The following ADGRL3 variants were observed in gnomAD, a reference collection of about 807,000 sequenced individuals.
ADGRL3 encodes the protein calcium-independent alpha-latrotoxin receptor 3.
Under a neutral mutation model 153.5 loss-of-function variants are expected in ADGRL3, and 62 were observed. That is an observed-to-expected ratio of 0.40 (90% CI 0.33 to 0.50). The LOEUF is 0.50. Ranked by LOEUF, ADGRL3 falls within the 20% of genes least tolerant of loss-of-function variation. The pLI, the probability that ADGRL3 is intolerant of heterozygous loss-of-function variation, is 0.47. For synonymous variants in ADGRL3, 710 were observed against 672.5 expected, an observed-to-expected ratio of 1.06 and a Z score of -0.86; for missense variants, 1,641 against 1,859.4, an observed-to-expected ratio of 0.88 and a Z score of 2.16.
chr4:61,531,125 G>A (rs531680296), intron 4 of ADGRL3, among the ~76,000 whole-genome samples: 1 of 152,170 alleles, frequency 6.6e-6, no homozygotes, highest in African/African-American at 2.4e-5. Flanking sequence ...AAAATATTGT[G>A]ATGATTATAT....
intron 1 of ADGRL3, among the ~76,000 whole-genome samples, chr4:61,323,066 C>T (rs774771303): frequency 6.6e-5 from 10 of 152,320 alleles, no homozygotes; most frequent in Admixed American, 2.6e-4. Context: ...GATTGCTGTA[C>T]AGTCATAGGC....
chr4:61,907,033 A>G (rs1581403347), intron 11 of ADGRL3, among the ~76,000 whole-genome samples: 1 of 152,086 alleles, frequency 6.6e-6, no homozygotes, highest in African/African-American at 2.4e-5. Context: ...TTTGTACATA[A>G]TGATACTGTT....
chr4:61,759,587 G>T (rs908190062), intron 8 of ADGRL3, among the ~76,000 whole-genome samples: 1 of 151,944 alleles, frequency 6.6e-6, no homozygotes, highest in Non-Finnish European at 1.5e-5. Context: ...TTTTTTTCAA[G>T]GTTTTTAATT....
chr4:62,048,881 A>G (rs1435132778), intron 25 of ADGRL3, among the ~76,000 whole-genome samples: 2 of 152,050 alleles, frequency 1.3e-5, no homozygotes, highest in African/African-American at 4.8e-5. Context: ...CAATACCTCT[A>G]AAACTTCAGT....
At chr4:61,742,775 T>C (rs1357653121) in intron 8 of ADGRL3, among the ~76,000 whole-genome samples, 3 of 152,166 alleles carry the variant, frequency 2.0e-5, no homozygotes, top group Non-Finnish European at 2.9e-5. Context: ...CTATACTATA[T>C]AATTTTACAA....
chr4:61,410,752 C>T (rs1432095652), intron 2 of ADGRL3, among the ~76,000 whole-genome samples: 6 of 152,150 alleles, frequency 3.9e-5, no homozygotes, highest in African/African-American at 2.4e-5. Flanking sequence ...AATACACTAT[C>T]GTGCAGGCTG....
At chr4:61,996,495 T>A (rs2099122136) in intron 20 of ADGRL3, 138 bp downstream of exon 20, 3 of 628,226 alleles carry the variant, frequency 4.8e-6, no homozygotes, top group Non-Finnish European at 8.5e-6. Context: ...ATTCAAGCAA[T>A]TAAACACTCA....
chr4:61,828,771 G>A (rs767173930), intron 9 of ADGRL3, among the ~76,000 whole-genome samples: 1 of 152,102 alleles, frequency 6.6e-6, no homozygotes, highest in Non-Finnish European at 1.5e-5. Flanking sequence ...CTGGAGCCTG[G>A]CCCATTTACG....
intron 1 of ADGRL3, among the ~76,000 whole-genome samples, chr4:61,371,876 T>G (rs368822711): frequency 6.6e-6 from 1 of 152,158 alleles, no homozygotes; most frequent in Non-Finnish European, 1.5e-5. Flanking sequence ...ACCAAGCAGA[T>G]GTAGATTTGG....
At chr4:61,452,132 C>A (rs1403575484) in intron 2 of ADGRL3, among the ~76,000 whole-genome samples, 1 of 152,146 alleles carries the variant, frequency 6.6e-6, no homozygotes, top group African/African-American at 2.4e-5. Flanking sequence ...GTCCCTCAAT[C>A]AAGGATGTGA....
chr4:61,560,890 T>C (rs1370017644), intron 4 of ADGRL3, among the ~76,000 whole-genome samples: 1 of 152,150 alleles, frequency 6.6e-6, no homozygotes, highest in Non-Finnish European at 1.5e-5. Flanking sequence ...CTCTGATTTG[T>C]TTAAGGTTGT....
At chr4:61,354,111 T>C (rs2096113832) in intron 1 of ADGRL3, among the ~76,000 whole-genome samples, 2 of 152,204 alleles carry the variant, frequency 1.3e-5, no homozygotes, top group Admixed American at 1.3e-4. Flanking sequence ...AGTGATCGAC[T>C]TGTATAAACT....
At chr4:61,811,222 G>A (rs761027723) in intron 8 of ADGRL3, among the ~76,000 whole-genome samples, 3 of 152,122 alleles carry the variant, frequency 2.0e-5, no homozygotes, top group Non-Finnish European at 4.4e-5. Context: ...AAGTGGAAAT[G>A]ATTCTAAATG....
chr4:61,625,006 G>T (rs2092748897), intron 5 of ADGRL3, among the ~76,000 whole-genome samples: 1 of 152,074 alleles, frequency 6.6e-6, no homozygotes, highest in East Asian at 1.9e-4. Flanking sequence ...ATTAAAAAAT[G>T]CAAATTATTT....
rs1231512178 is a variant in ADGRL3, at chr4:61,804,959, A to AT, written c.1400-8847dup. 3.1e-3 allele frequency among the ~76,000 whole-genome samples: 446 copies of AT among 145,748 alleles called. 8 individuals are homozygous for AT. Among genetic ancestry groups the AT allele is most frequent in the African/African-American group, 9.7e-3 (376 of 38,930 alleles). On this transcript the variant is annotated intron_variant, in intron 8 of 26. Transcript: ENST00000683033. ...TTTATTTATTTATTTATTTTTATTT[A>AT]TTTATTTTTTTTTTGAGACGGAGTC...
At chr4:61,511,436 G>A (rs530607495) in intron 3 of ADGRL3, among the ~76,000 whole-genome samples, 21 of 152,260 alleles carry the variant, frequency 1.4e-4, no homozygotes, top group African/African-American at 4.8e-4. Context: ...CTTTACTGAA[G>A]TTGTTTATCA....
At chr4:61,372,567 G>T (rs563201775) in intron 1 of ADGRL3, among the ~76,000 whole-genome samples, 1 of 152,206 alleles carries the variant, frequency 6.6e-6, no homozygotes, top group African/African-American at 2.4e-5. Flanking sequence ...CGATCCACTT[G>T]AGGAGGCAGT....
chr4:61,637,919 A>G (rs2093496863), intron 5 of ADGRL3, among the ~76,000 whole-genome samples: 1 of 152,214 alleles, frequency 6.6e-6, no homozygotes, highest in South Asian at 2.1e-4. Flanking sequence ...AAATCCAAAC[A>G]TTACAATAAT....
intron 2 of ADGRL3, among the ~76,000 whole-genome samples, chr4:61,396,724 A>G (rs2096872680): frequency 1.3e-5 from 2 of 151,990 alleles, no homozygotes; most frequent in African/African-American, 4.8e-5. Flanking sequence ...TGCATAAAGT[A>G]GTAACTATAA....
Sources: gnomAD v4.1 joint callset for allele counts (sites outside exome capture counted in the v4.1 genomes callset) on GRCh38, gnomAD v4.1.1 for gene constraint, MANE v1.5 for transcripts, NCBI Gene and HGNC (gene_info 2026-07-23, HGNC 2026-07-21) for gene names.